Variants in EXOC4 observed in about 807,000 individuals in gnomAD.
EXOC4 encodes the protein SEC8-like 1.
Under a neutral mutation model 107.2 loss-of-function variants are expected in EXOC4, and 71 were observed. The observed-to-expected ratio is 0.66, with a 90% CI of 0.55 to 0.81. The LOEUF (loss-of-function observed/expected upper bound fraction) is 0.81, where lower values mean the gene tolerates loss of function less well. Among genes scored for constraint, EXOC4 ranks in the 30% least tolerant of loss-of-function variants. The probability of loss-of-function intolerance (pLI) is 0.00; values close to 1 mark genes in which losing one functional copy is unlikely to be tolerated. For synonymous variants in EXOC4, 456 were observed against 441.2 expected, an observed-to-expected ratio of 1.03 and a Z score of -0.42; for missense variants, 1,108 against 1,189.6, an observed-to-expected ratio of 0.93 and a Z score of 1.01.
chr7:133,982,601 A>G (rs2116921900), intron 14 of EXOC4, among the ~76,000 whole-genome samples: 1 of 152,194 alleles, frequency 6.6e-6, no homozygotes, highest in South Asian at 2.1e-4. Flanking sequence ...TACTTATTCA[A>G]CACCTTTATT....
At chr7:134,016,424 C>T (rs1794909677) in intron 17 of EXOC4, among the ~76,000 whole-genome samples, 1 of 152,172 alleles carries the variant, frequency 6.6e-6, no homozygotes, top group Non-Finnish European at 1.5e-5. Flanking sequence ...GGACAGAACA[C>T]AGCTCATGAA....
intron 10 of EXOC4, among the ~76,000 whole-genome samples, chr7:133,783,763 C>T (rs1330094125): frequency 6.6e-6 from 1 of 152,172 alleles, no homozygotes; most frequent in Non-Finnish European, 1.5e-5. Flanking sequence ...TACAATATTC[C>T]AGAGATACAT....
chr7:133,676,461 A>T (rs1204492924), intron 10 of EXOC4, among the ~76,000 whole-genome samples: 2 of 152,176 alleles, frequency 1.3e-5, no homozygotes, highest in Admixed American at 1.3e-4. Flanking sequence ...TCAAGTCTAG[A>T]CTGAATAGCA....
chr7:133,980,006 C>G (rs1268241648), intron 14 of EXOC4, among the ~76,000 whole-genome samples: 1 of 152,140 alleles, frequency 6.6e-6, no homozygotes, highest in East Asian at 1.9e-4. Context: ...GAACTGGCGA[C>G]TGGAGAAAGG....
intron 17 of EXOC4, among the ~76,000 whole-genome samples, chr7:134,015,659 G>A (rs551361151): frequency 6.6e-6 from 1 of 152,052 alleles, no homozygotes; most frequent in East Asian, 1.9e-4. Context: ...GGTGGATCAC[G>A]AGGTCAGGAG....
At chr7:133,980,081 C>G (rs1027056509) in intron 14 of EXOC4, among the ~76,000 whole-genome samples, 3 of 152,190 alleles carry the variant, frequency 2.0e-5, no homozygotes, top group African/African-American at 7.2e-5. Context: ...AATCCCTTTT[C>G]TCTCCTGCGT....
intron 9 of EXOC4, among the ~76,000 whole-genome samples, chr7:133,521,557 A>G (rs1187335739): frequency 6.6e-6 from 1 of 152,140 alleles, no homozygotes; most frequent in African/African-American, 2.4e-5. Context: ...TTACATTCCC[A>G]GAGCAAAATA....
chr7:134,100,613 G>A, the EXOC4 span, among the ~76,000 whole-genome samples: 2 of 130,734 alleles, frequency 1.5e-5, 1 homozygote, highest in Non-Finnish European at 3.4e-5. Context: ...GAAGGTTATT[G>A]TGGCCAAGTA....
At chr7:133,282,817 C>T (rs1161596747) in intron 2 of EXOC4, among the ~76,000 whole-genome samples, 1 of 152,130 alleles carries the variant, frequency 6.6e-6, no homozygotes, top group African/African-American at 2.4e-5. Flanking sequence ...CATCAATTTT[C>T]AGGCATACAA....
At chr7:133,955,651 G>A (rs1245295023) in intron 14 of EXOC4, among the ~76,000 whole-genome samples, 1 of 152,216 alleles carries the variant, frequency 6.6e-6, no homozygotes, top group Non-Finnish European at 1.5e-5. Flanking sequence ...TGTCTGCCCT[G>A]GAGCTTGTCT....
chr7:133,662,404 CAAG>C (rs1306318694), intron 10 of EXOC4, among the ~76,000 whole-genome samples: 1 of 152,020 alleles, frequency 6.6e-6, no homozygotes, highest in Non-Finnish European at 1.5e-5. Context: ...ACAAAGAACT[CAAG>C]GAGAATGGGA....
intron 17 of EXOC4, among the ~76,000 whole-genome samples, chr7:134,046,294 C>T (rs1563103390): frequency 6.6e-6 from 1 of 152,020 alleles, no homozygotes; most frequent in Non-Finnish European, 1.5e-5. Context: ...CCAGCCTGGC[C>T]AACATGGTGA....
the EXOC4 span, among the ~76,000 whole-genome samples, chr7:134,095,171 C>G: frequency 6.6e-6 from 1 of 151,940 alleles, no homozygotes; most frequent in South Asian, 2.1e-4. Context: ...AATATTCAAG[C>G]TGAGAGCCAA....
At chr7:133,330,232 C>A (rs969142423) in intron 5 of EXOC4, among the ~76,000 whole-genome samples, 1 of 152,094 alleles carries the variant, frequency 6.6e-6, no homozygotes, top group Non-Finnish European at 1.5e-5. Flanking sequence ...GAGGGTAAAA[C>A]CTCCTATTCA....
chr7:133,742,738 A>T (rs982870322), intron 10 of EXOC4, among the ~76,000 whole-genome samples: 3 of 152,180 alleles, frequency 2.0e-5, no homozygotes, highest in African/African-American at 7.2e-5. Context: ...GAGACTTTGA[A>T]TACAGCAGCA....
At chr7:134,040,127 G>T (rs1232740987) in intron 17 of EXOC4, among the ~76,000 whole-genome samples, 1 of 152,142 alleles carries the variant, frequency 6.6e-6, no homozygotes, top group Non-Finnish European at 1.5e-5. Context: ...TCCCACAGCT[G>T]ATGTTCATGT....
chr7:133,870,138 T>A (rs2116389989), intron 11 of EXOC4, among the ~76,000 whole-genome samples: 1 of 152,258 alleles, frequency 6.6e-6, no homozygotes. Context: ...GGTAAAAGAT[T>A]GTTAAGTGTG....
At chr7:133,910,573 A>G (rs1169850037) in intron 12 of EXOC4, among the ~76,000 whole-genome samples, 1 of 152,134 alleles carries the variant, frequency 6.6e-6, no homozygotes, top group Non-Finnish European at 1.5e-5. Flanking sequence ...GTGTTGCTCC[A>G]TCTTAACTGA....
At position 133,269,051 on chromosome 7, in the gene EXOC4, G is replaced by A. The variant is rs570068379; in HGVS notation, c.87-5931G>A. Among the ~76,000 whole-genome samples the A allele has an allele frequency of 2.0e-4, 30 of 152,288 alleles. No individual in the cohort carries two copies. The South Asian group carries it at 6.0e-3, about 31-fold the overall frequency. ...ATAGGAATGGAAAAAAAAATCTAGA[G>A]TGATTCAATAACTTGAATACATCTT... is the stretch of plus-strand genomic sequence containing the variant. On this transcript the variant is annotated intron_variant, in intron 1 of 17. Coordinates refer to ENST00000253861, the MANE Select transcript of EXOC4 (RefSeq NM_021807.4).
Sources: allele counts gnomAD v4.1 joint callset (sites outside exome capture counted in the v4.1 genomes callset), GRCh38; gene constraint gnomAD v4.1.1; transcripts MANE v1.5; gene names NCBI Gene and HGNC (gene_info 2026-07-23, HGNC 2026-07-21).